GALNT9: variants seen among roughly 807,000 people sequenced by gnomAD.
GALNT9 encodes the protein GalNAc transferase 9.
In GALNT9, 47 loss-of-function variants were observed where a neutral mutation model predicts 63.1. That is an observed-to-expected ratio of 0.75 (90% CI 0.59 to 0.95). The LOEUF is 0.95. GALNT9 is among the 40% of genes least tolerant of loss of function. The pLI is 0.00. For missense variants in GALNT9, 829 were observed against 874.8 expected (o/e 0.95, Z 0.66); for synonymous variants, 396 against 365.7 (o/e 1.08, Z -0.94).
chr12:132,303,625 GCACAGAATCGCCCAGA>G (rs1881416542), intron 1 of GALNT9, among the ~76,000 whole-genome samples: 4 of 68,178 alleles, frequency 5.9e-5, no homozygotes, highest in Non-Finnish European at 7.9e-5. Flanking sequence ...CCTCACCCGG[GCACAGAATCGCCCAGA>G]CACACCCTCG....
chr12:132,304,366 G>C (rs1199842962), intron 1 of GALNT9, among the ~76,000 whole-genome samples: 139 of 31,834 alleles, frequency 4.4e-3, no homozygotes, highest in East Asian at 8.3e-3. Flanking sequence ...CCCGGGCACA[G>C]CCTCACCCGG....
At chr12:132,260,470 C>T (rs782299441) in intron 4 of GALNT9, among the ~76,000 whole-genome samples, 8 of 152,066 alleles carry the variant, frequency 5.3e-5, no homozygotes, top group Admixed American at 3.9e-4. Context: ...ACGCCCCTTG[C>T]ACTAGGCTAA....
Position 132,236,481 on chromosome 12 carries a change from C to T in GALNT9, c.1077+11429G>A, listed in dbSNP as rs1473458926. On this transcript the variant is annotated intron_variant, in intron 6 of 10. Transcript: ENST00000328957. This position sits in a 1 kb window ranked among gnomAD's most constrained non-coding sequence, Gnocchi z 5.6. ...CACGGCTGCCAGGGAGTCAGCTCTG[C>T]AAAATCATCACAGACGTGGGGGGAT... Among the ~76,000 whole-genome samples, 3 of 151,832 alleles carry T rather than the reference C, an allele frequency of 2.0e-5. No individual in the cohort carries two copies. Among genetic ancestry groups the T allele is most frequent in the African/African-American group, 7.3e-5 (3 of 41,318 alleles).
At chr12:132,321,808 C>T (rs1290539004) in intron 1 of GALNT9, among the ~76,000 whole-genome samples, 1 of 151,862 alleles carries the variant, frequency 6.6e-6, no homozygotes, top group Non-Finnish European at 1.5e-5. Context: ...TCCCCTCACA[C>T]AGGAGCCCAC....
intron 1 of GALNT9, 68 bp downstream of exon 1, chr12:132,328,898 C>A: frequency 2.8e-6 from 4 of 1,421,244 alleles, no homozygotes; most frequent in Non-Finnish European, 3.7e-6. Flanking sequence ...CGGCCTGACC[C>A]ATCGCGCCCG....
rs1331456095 is a variant in GALNT9 at position 132,329,470 on chromosome 12, G to A, written c.-267C>T. 4.7e-5 allele frequency: 9 copies of A among 193,448 alleles called. No homozygotes were observed. The highest frequency in any genetic ancestry group is 6.7e-5 in the Non-Finnish European group (7 of 104,306). The allele number at this position is 193,448 out of a possible 1,614,324, so 12.0% of individuals were successfully genotyped here. On this transcript the variant is annotated 5_prime_UTR_variant, in exon 1 of 11. Transcript: ENST00000328957. ...AGAGGGCGCGGCCCCGCCCCGGGGA[G>A]CGGTGAGGGGGGCCGGGGGCGCCGG...
intron 10 of GALNT9, 97 bp downstream of exon 10, chr12:132,197,695 C>T: frequency 1.1e-6 from 1 of 947,048 alleles, no homozygotes; most frequent in Non-Finnish European, 1.6e-6. Context: ...CACTCCAGCT[C>T]CCACCCAATG....
At chr12:132,303,433 G>A (rs61945670) in intron 1 of GALNT9, among the ~76,000 whole-genome samples, 37,186 of 93,080 alleles carry the variant, frequency 0.4, 8,502 homozygotes, top group African/African-American at 0.52. Context: ...CCTCGCCCGG[G>A]CACACCCTCG....
chr12:132,250,835 G>T (rs1458022785), intron 5 of GALNT9, among the ~76,000 whole-genome samples: 2 of 152,168 alleles, frequency 1.3e-5, no homozygotes, highest in South Asian at 4.1e-4. Flanking sequence ...AGGTAAGACG[G>T]CGAGGAGGCG....
intron 10 of GALNT9, 135 bp downstream of exon 10, chr12:132,197,657 G>A: frequency 1.5e-6 from 1 of 679,894 alleles, no homozygotes; most frequent in East Asian, 2.7e-5. Context: ...GCTGATCCAA[G>A]GCCCGGTCCC....
At chr12:132,294,782 G>A (rs547271474) in intron 1 of GALNT9, among the ~76,000 whole-genome samples, 1 of 152,236 alleles carries the variant, frequency 6.6e-6, no homozygotes, top group Non-Finnish European at 1.5e-5. Flanking sequence ...GAGCGGGAGG[G>A]ATCTGTTAAT....
At chr12:132,301,230 T>C (rs945474498) in intron 1 of GALNT9, among the ~76,000 whole-genome samples, 1 of 152,266 alleles carries the variant, frequency 6.6e-6, no homozygotes, top group African/African-American at 2.4e-5. Flanking sequence ...CACCCCTGTA[T>C]GGTGGCAGGC....
intron 3 of GALNT9, 57 bp from the exon 4 acceptor site, chr12:132,261,179 A>G (rs955580496): frequency 1.3e-4 from 207 of 1,538,286 alleles, no homozygotes; most frequent in Non-Finnish European, 1.6e-4. Flanking sequence ...CGGGGCCACC[A>G]AGACCCAAGG....
intron 1 of GALNT9, among the ~76,000 whole-genome samples, chr12:132,322,891 C>T (rs552260186): frequency 5.9e-5 from 9 of 152,202 alleles, no homozygotes; most frequent in Non-Finnish European, 1.3e-4. Flanking sequence ...GACACCAGTC[C>T]GCTTGCTGAG....
chr12:132,215,164 C>T (rs1877133896), intron 6 of GALNT9, among the ~76,000 whole-genome samples: 1 of 152,242 alleles, frequency 6.6e-6, no homozygotes, highest in Non-Finnish European at 1.5e-5. Context: ...GCTTTGTGGC[C>T]GCTTCGGCAG....
chr12:132,322,011 A>C (rs1381555273), intron 1 of GALNT9, among the ~76,000 whole-genome samples: 2 of 39,890 alleles, frequency 5.0e-5, no homozygotes, highest in African/African-American at 1.0e-4. Flanking sequence ...CCAAACCCCC[A>C]CTGTCTCTCC....
intron 1 of GALNT9, among the ~76,000 whole-genome samples, chr12:132,301,006 T>G (rs1444889893): frequency 1.3e-5 from 2 of 152,280 alleles, no homozygotes; most frequent in African/African-American, 4.8e-5. Context: ...CACTGACCGT[T>G]CCTCGTGCAG....
rs142672555 is a variant in GALNT9, at chr12:132,318,498, A to G, written c.238+10468T>C. Among the ~76,000 whole-genome samples, 249 of 152,324 alleles carry G rather than the reference A, an allele frequency of 1.6e-3. 3 individuals are homozygous for G. Among genetic ancestry groups the G allele is most frequent in the African/African-American group, 5.2e-3 (215 of 41,582 alleles). On this transcript the variant is annotated intron_variant, in intron 1 of 10. Transcript: ENST00000328957. ...ACCAGGGACATGAATCCGCCATCCCATCAGCACAGGGCCTCAGGGCCTCAC... is the reference window on the plus strand; with the variant it reads ...ACCAGGGACATGAATCCGCCATCCCGTCAGCACAGGGCCTCAGGGCCTCAC...
At chr12:132,267,568 T>G (rs1354805301) in intron 2 of GALNT9, among the ~76,000 whole-genome samples, 2 of 152,152 alleles carry the variant, frequency 1.3e-5, no homozygotes, top group Non-Finnish European at 2.9e-5. Context: ...CAAAGCAATC[T>G]TGAAAAAGAA....
Sources: gnomAD v4.1 joint callset for allele counts (sites outside exome capture counted in the v4.1 genomes callset) on GRCh38, gnomAD v4.1.1 for gene constraint, Gnocchi (gnomAD v3.1) non-coding constraint, MANE v1.5 for transcripts, NCBI Gene and HGNC (gene_info 2026-07-23, HGNC 2026-07-21) for gene names.